The following SH2D4B variants were observed in gnomAD, a reference collection of about 807,000 sequenced individuals.
SH2D4B encodes SH2 domain-containing protein 4B.
Under a neutral mutation model 61.5 loss-of-function variants are expected in SH2D4B, and 45 were observed. The observed-to-expected ratio is 0.73, with a 90% CI of 0.58 to 0.94. SH2D4B has a LOEUF of 0.94. SH2D4B is among the 40% of genes least tolerant of loss of function. The probability of loss-of-function intolerance (pLI) is 0.00; values close to 1 mark genes in which losing one functional copy is unlikely to be tolerated. For synonymous variants in SH2D4B, 224 were observed against 220.4 expected, an observed-to-expected ratio of 1.02 and a Z score of -0.14; for missense variants, 572 against 574.2, an observed-to-expected ratio of 1.00 and a Z score of 0.04.
chr10:80,634,380 C>T lies in SH2D4B; in HGVS notation c.1084C>T (p.Leu362Phe). The change falls in exon 7 of 8, where the codon CTC becomes TTC. Residue 362 changes from leucine to phenylalanine, a missense_variant. Physicochemically the swap from Leu to Phe is conservative, Grantham distance 22 (BLOSUM62 0). Coordinates refer to ENST00000646907, the MANE Select transcript of SH2D4B (RefSeq NM_001388272.1). ...CAGTGAGAAAATCTGGGGTTACACCCTCTCCTACCGCCTGCAGAAAGGGTT... is the reference window on the plus strand; with the variant it reads ...CAGTGAGAAAATCTGGGGTTACACCTTCTCCTACCGCCTGCAGAAAGGGTT... ...RVSEKIWGYT[L>F]SYRLQKGFKH... 6.4e-7 allele frequency: 1 copy of T among 1,550,600 alleles called. No individual in the cohort carries two copies. The highest frequency in any genetic ancestry group is 1.2e-5 in the South Asian group (1 of 84,066).
In SH2D4B at chr10:80,538,511, G is replaced by A; in HGVS notation, c.180G>A (p.Lys60=). The part of the protein sequence containing the change: ...QDEGLRPPKT[K]RAASDKHIQW... ...AGGGTCTCAGGCCTCCAAAGACCAAGCGAGGTACGTGGCTGGGAGTCACAG... is the reference window on the plus strand; with the variant it reads ...AGGGTCTCAGGCCTCCAAAGACCAAACGAGGTACGTGGCTGGGAGTCACAG... The change falls in exon 1 of 8, where the codon AAG becomes AAA. Residue 60 remains lysine, a synonymous_variant. Transcript: ENST00000646907. The surrounding 1 kb of genome is among the most constrained non-coding windows in gnomAD (Gnocchi z 4.8). 7.2e-7 allele frequency: 1 copy of A among 1,392,122 alleles called. No homozygotes were observed. Among genetic ancestry groups the A allele is most frequent in the South Asian group, 1.7e-5 (1 of 57,552 alleles). 86.2% of individuals were successfully genotyped at this position (1,392,122 alleles called of 1,614,324 possible). A position where few individuals can be genotyped will look rare whatever the true frequency, so the allele number is the denominator to read the frequency against.
At chr10:80,642,596 C>T (rs1033062886) in intron 7 of SH2D4B, among the ~76,000 whole-genome samples, 5 of 152,274 alleles carry the variant, frequency 3.3e-5, no homozygotes, top group South Asian at 2.1e-4. Flanking sequence ...TATGTTAATC[C>T]GTATACCAAA....
At chr10:80,571,943 TTTG>T (rs1842052564) in intron 3 of SH2D4B, among the ~76,000 whole-genome samples, 1 of 151,902 alleles carries the variant, frequency 6.6e-6, no homozygotes, top group African/African-American at 2.4e-5. Flanking sequence ...CGGCTAAATT[TTTG>T]TATTTTTAGT....
intron 4 of SH2D4B, among the ~76,000 whole-genome samples, chr10:80,590,850 T>C (rs1842316550): frequency 6.6e-6 from 1 of 151,922 alleles, no homozygotes; most frequent in South Asian, 2.1e-4. Context: ...AAAGAAACTC[T>C]GTACCGATTA....
In SH2D4B at chr10:80,588,767, G is replaced by A. The variant is rs1295896091; in HGVS notation, c.633G>A (p.Trp211Ter). 3 of 1,613,846 alleles carry A rather than the reference G, an allele frequency of 1.9e-6. No homozygotes were observed. Among genetic ancestry groups the A allele is most frequent in the Non-Finnish European group, 2.5e-6 (3 of 1,180,032 alleles). The change falls in exon 4 of 8, where the codon TGG becomes TGA. Residue 211 changes from tryptophan (W) to a stop codon, truncating the protein, a stop_gained. Coordinates refer to ENST00000646907, the MANE Select transcript of SH2D4B (RefSeq NM_001388272.1). LOFTEE classifies it high-confidence loss of function. ...CQASEKEERE[W>*]EEQLRRSKAA... The stretch of plus-strand genomic sequence containing the variant: ...CCAGTGAGAAAGAGGAGCGAGAGTG[G>A]GAAGAACAGTGTGAGTAGAGCTTGT...
chr10:80,597,590 C>G (rs772997535), intron 4 of SH2D4B, among the ~76,000 whole-genome samples: 11 of 152,112 alleles, frequency 7.2e-5, no homozygotes, highest in Admixed American at 7.2e-4. Context: ...CTCTTGAACC[C>G]GGGAGGTGGA....
chr10:80,643,050 T>G (rs1840333345), intron 7 of SH2D4B: 1 of 152,678 alleles, frequency 6.5e-6, no homozygotes, highest in Non-Finnish European at 1.5e-5. Context: ...CACTTGGATT[T>G]CTTCTGTGAA....
At chr10:80,550,683 C>G (rs1258762941) in intron 1 of SH2D4B, among the ~76,000 whole-genome samples, 1 of 152,106 alleles carries the variant, frequency 6.6e-6, no homozygotes, top group Non-Finnish European at 1.5e-5. Flanking sequence ...GTAAGTACAT[C>G]CTGATTGAAG....
chr10:80,576,010 C>T (rs1842121381), intron 3 of SH2D4B, among the ~76,000 whole-genome samples: 2 of 152,164 alleles, frequency 1.3e-5, no homozygotes, highest in South Asian at 2.1e-4. Flanking sequence ...GTGAAAGCAC[C>T]TGCTCTAATT....
rs145130245 is a variant in SH2D4B at position 80,605,036 on chromosome 10, G to C, written c.860+1241G>C. On this transcript the variant is annotated intron_variant, in intron 5 of 7. Transcript: ENST00000646907. Reference sequence around the variant, plus strand: ...TCTCGATTTCCTGACCTTGTGATCTGCCCACCTCGGCCTCCCAAAGTGCTG... The same window carrying C: ...TCTCGATTTCCTGACCTTGTGATCTCCCCACCTCGGCCTCCCAAAGTGCTG... Among the ~76,000 whole-genome samples, 5 of 152,050 alleles carry C rather than the reference G, an allele frequency of 3.3e-5. No homozygotes were observed. In the South Asian group the frequency reaches 1.0e-3, roughly 31 times the overall value.
At chr10:80,589,290 C>T (rs1167326552) in intron 4 of SH2D4B, among the ~76,000 whole-genome samples, 1 of 152,146 alleles carries the variant, frequency 6.6e-6, no homozygotes, top group Non-Finnish European at 1.5e-5. Flanking sequence ...AGGCGTGAGC[C>T]ACCACTCCCA....
intron 3 of SH2D4B, among the ~76,000 whole-genome samples, chr10:80,582,666 A>G (rs1439995943): frequency 6.6e-6 from 1 of 152,184 alleles, no homozygotes; most frequent in South Asian, 2.1e-4. Context: ...CCTTACCTGG[A>G]CAACACCACC....
rs1257662911 is a variant in SH2D4B, at chr10:80,539,313, A to G, written c.184+798A>G. ...TGTAGTTTCTGTGGATGCTGCATGC[A>G]CTTTACAGTTTGCAAGGCTTATGTG... On this transcript the variant is annotated intron_variant, in intron 1 of 7. Coordinates refer to ENST00000646907, the MANE Select transcript of SH2D4B (RefSeq NM_001388272.1). The surrounding 1 kb of genome is among the most constrained non-coding windows in gnomAD (Gnocchi z 4.9). Among the ~76,000 whole-genome samples the G allele has an allele frequency of 1.3e-5, 2 of 152,202 alleles. No individual in the cohort carries two copies. The highest frequency in any genetic ancestry group is 1.3e-4 in the Admixed American group (2 of 15,284).
intron 6 of SH2D4B, among the ~76,000 whole-genome samples, chr10:80,619,907 T>A (rs1684397593): frequency 6.6e-6 from 1 of 152,242 alleles, no homozygotes; most frequent in African/African-American, 2.4e-5. Context: ...GTTTTGCAGA[T>A]GTTTGCAGCC....
At chr10:80,603,956 G>T (rs1039123988) in intron 5 of SH2D4B, among the ~76,000 whole-genome samples, 161 bp downstream of exon 5, 1 of 152,276 alleles carries the variant, frequency 6.6e-6, no homozygotes, top group Non-Finnish European at 1.5e-5. Context: ...GGAGAGGGAG[G>T]AGAGATGTGG....
At chr10:80,600,550 T>TGC (rs1325633329) in intron 4 of SH2D4B, among the ~76,000 whole-genome samples, 1 of 151,686 alleles carries the variant, frequency 6.6e-6, no homozygotes, top group Non-Finnish European at 1.5e-5. Flanking sequence ...TGTGTGTGTG[T>TGC]GTGCTGGGGA....
At chr10:80,543,437 G>T (rs141443509) in intron 1 of SH2D4B, among the ~76,000 whole-genome samples, 1,786 of 152,280 alleles carry the variant, frequency 0.012, 31 homozygotes, top group African/African-American at 0.039. Context: ...CCGGGCCTTA[G>T]CTGCCTTCCC....
At chr10:80,630,550 A>C (rs1489575113) in intron 6 of SH2D4B, among the ~76,000 whole-genome samples, 1 of 151,978 alleles carries the variant, frequency 6.6e-6, no homozygotes, top group African/African-American at 2.4e-5. Flanking sequence ...GGGGGACCTG[A>C]GGGGTGGGGA....
intron 7 of SH2D4B, among the ~76,000 whole-genome samples, chr10:80,641,074 G>T (rs1840296044): frequency 6.6e-6 from 1 of 152,220 alleles, no homozygotes; most frequent in Non-Finnish European, 1.5e-5. Context: ...GTTGGAGTTT[G>T]CTGGAGGTCC....
Sources: allele counts gnomAD v4.1 joint callset (sites outside exome capture counted in the v4.1 genomes callset), GRCh38; gene constraint gnomAD v4.1.1; non-coding constraint Gnocchi (gnomAD v3.1); transcripts MANE v1.5; gene names NCBI Gene and HGNC (gene_info 2026-07-23, HGNC 2026-07-21).